RNF212B: variants seen among roughly 807,000 people sequenced by gnomAD.
The protein encoded by RNF212B is E3 ubiquitin-protein ligase RNF212B.
In RNF212B, 52 loss-of-function variants were observed where a neutral mutation model predicts 55.5. The ratio of observed to expected loss-of-function variants is 0.94; its 90% confidence interval spans 0.75 to 1.18. The LOEUF is 1.18. RNF212B is among the 50% of genes most tolerant of loss of function. RNF212B has a pLI of 0.00. For missense variants in RNF212B, 289 were observed against 350.4 expected, an observed-to-expected ratio of 0.82 and a Z score of 1.40; for synonymous variants, 99 against 121.4, an observed-to-expected ratio of 0.82 and a Z score of 1.21.
chr14:23,242,109 A>G (rs1022350250), intron 2 of RNF212B, among the ~76,000 whole-genome samples: 28 of 49,644 alleles, frequency 5.6e-4, no homozygotes, highest in African/African-American at 1.9e-3. Flanking sequence ...AAAAAAAAAG[A>G]AAAGAAAAAG....
rs1368707834 is a variant in RNF212B at position 23,243,232 on chromosome 14, TA to T, written c.101-23del. ...TTACCTCATGCTCATGAGAGCCAAA[TA>T]TTTTTTTCCCTTTTCCTCCCAGAAA... On this transcript the variant is annotated intron_variant, in intron 2 of 14. Transcript: ENST00000430154. 1.9e-6 allele frequency: 3 copies of T among 1,545,548 alleles called. No homozygotes were observed. The South Asian group carries it at 3.6e-5, about 18-fold the overall frequency.
intron 2 of RNF212B, among the ~76,000 whole-genome samples, chr14:23,214,156 A>T (rs932878003): frequency 1.3e-5 from 2 of 152,142 alleles, no homozygotes. Flanking sequence ...CACTTATAAA[A>T]TTTTTTTAAA....
intron 2 of RNF212B, among the ~76,000 whole-genome samples, chr14:23,240,753 A>G (rs1883510913): frequency 6.6e-6 from 1 of 152,238 alleles, no homozygotes; most frequent in African/African-American, 2.4e-5. Context: ...TAGAATAAGT[A>G]TAATGGATGG....
intron 1 of RNF212B, among the ~76,000 whole-genome samples, chr14:23,190,638 C>G (rs939824710): frequency 2.0e-5 from 3 of 152,206 alleles, no homozygotes; most frequent in Non-Finnish European, 4.4e-5. Context: ...TACACTGTTT[C>G]AATAGCCTTC....
intron 2 of RNF212B, among the ~76,000 whole-genome samples, chr14:23,219,921 C>T (rs1053773551): frequency 1.3e-5 from 2 of 152,092 alleles, no homozygotes; most frequent in South Asian, 2.1e-4. Flanking sequence ...CGGTGGCTCA[C>T]ACCTGTAATC....
At chr14:23,207,548 T>C (rs1879968352) in intron 2 of RNF212B, among the ~76,000 whole-genome samples, 1 of 152,172 alleles carries the variant, frequency 6.6e-6, no homozygotes, top group Non-Finnish European at 1.5e-5. Context: ...GTAGAGGGTA[T>C]TTTCAGACCT....
chr14:23,240,282 T>C, intron 1 of RNF212B, 63 bp from the exon 2 acceptor site: 4 of 1,125,360 alleles, frequency 3.6e-6, no homozygotes, highest in Non-Finnish European at 5.2e-6. Flanking sequence ...ACATAGATTT[T>C]GGAACAGCTA....
chr14:23,267,511 CT>C (rs1439552850), intron 11 of RNF212B, among the ~76,000 whole-genome samples: 1 of 152,028 alleles, frequency 6.6e-6, no homozygotes, highest in African/African-American at 2.4e-5. Context: ...TCACTGCAAC[CT>C]CCTCCTCCTG....
chr14:23,212,181 A>G (rs1264136470), intron 2 of RNF212B, among the ~76,000 whole-genome samples: 1 of 152,248 alleles, frequency 6.6e-6, no homozygotes, highest in Non-Finnish European at 1.5e-5. Flanking sequence ...CTTATACATA[A>G]TGGTGAAATA....
chr14:23,220,233 CA>C (rs1881444636), intron 2 of RNF212B, among the ~76,000 whole-genome samples: 1 of 144,022 alleles, frequency 6.9e-6, no homozygotes, highest in Non-Finnish European at 1.5e-5. Flanking sequence ...AAAACAAAAA[CA>C]AAAACCATAC....
In RNF212B at chr14:23,264,197, T is replaced by C; in HGVS notation, c.548T>C (p.Ile183Thr). The C allele has an allele frequency of 6.5e-7, 1 of 1,550,290 alleles. No individual in the cohort carries two copies. Among genetic ancestry groups the C allele is most frequent in the South Asian group, 1.2e-5 (1 of 84,054 alleles). The change falls in exon 10 of 15, where the codon ATT (isoleucine) becomes ACT (threonine). Residue 183 changes from isoleucine (I) to threonine (T), a missense_variant. Physicochemically the swap from Ile to Thr is moderately conservative, Grantham distance 89. Transcript: ENST00000430154. ...VVSRSSSAESIPYREAGFGSL... is the reference protein window; with the variant it reads ...VVSRSSSAESTPYREAGFGSL... ...AGTCGGTCCTCCTCAGCGGAATCTA[T>C]TCCTTATAGAGAGGCTGGCTTTGGT...
intron 2 of RNF212B, among the ~76,000 whole-genome samples, chr14:23,219,908 G>A (rs1881409518): frequency 6.6e-6 from 1 of 152,114 alleles, no homozygotes; most frequent in African/African-American, 2.4e-5. Flanking sequence ...AAGGGCCTGG[G>A]CACGGTGGCT....
Position 23,262,931 on chromosome 14 carries a change from C to T in RNF212B, c.485C>T (p.Thr162Ile). ...TCTGTACTTTATTCTCTTTCAGTTA[C>T]CCCACGACCCAGTTTCCAGCATAGC... ...VGITSPSQSV[T>I]PRPSFQHSSQ... Residue 162 changes from threonine (T) to isoleucine (I), a missense_variant, in exon 9 of 15, where the codon ACC (threonine) becomes ATC (isoleucine). Coordinates refer to ENST00000430154, the MANE Select transcript of RNF212B (RefSeq NM_001282322.3). 3 of 1,550,424 alleles carry T rather than the reference C, an allele frequency of 1.9e-6. No homozygotes were observed. The highest frequency in any genetic ancestry group is 1.2e-5 in the South Asian group (1 of 84,052).
chr14:23,235,073 G>T (rs372035339), upstream of RNF212B, among the ~76,000 whole-genome samples: 5 of 152,054 alleles, frequency 3.3e-5, no homozygotes, highest in Non-Finnish European at 7.4e-5. Flanking sequence ...TTAACCAGGC[G>T]TGGTGGCAAA....
intron 7 of RNF212B, 102 bp from the exon 8 acceptor site, chr14:23,262,563 G>A (rs1214938533): frequency 1.0e-6 from 1 of 997,100 alleles, no homozygotes; most frequent in African/African-American, 1.6e-5. Flanking sequence ...TCCTCAGAGA[G>A]GAAGCTATTA....
At chr14:23,230,451 G>A (rs182458551) in intron 2 of RNF212B, among the ~76,000 whole-genome samples, 6,086 of 151,958 alleles carry the variant, frequency 0.04, 148 homozygotes, top group South Asian at 0.071. Flanking sequence ...TCAAGAGATC[G>A]AGACCATCCT....
chr14:23,210,639 T>A (rs548417550), intron 2 of RNF212B, among the ~76,000 whole-genome samples: 50 of 149,970 alleles, frequency 3.3e-4, no homozygotes, highest in African/African-American at 1.2e-3. Flanking sequence ...TAGCTGGGTG[T>A]GGTGGTGTGA....
At chr14:23,193,793 G>A (rs959426515) in intron 2 of RNF212B, among the ~76,000 whole-genome samples, 13 of 151,694 alleles carry the variant, frequency 8.6e-5, no homozygotes, top group Admixed American at 7.2e-4. Context: ...AAGAGTGGGG[G>A]TAGTTATTAG....
At chr14:23,190,988 C>T (rs908945416) in intron 1 of RNF212B, among the ~76,000 whole-genome samples, 1 of 152,206 alleles carries the variant, frequency 6.6e-6, no homozygotes, top group Non-Finnish European at 1.5e-5. Context: ...GGTGTCCTCC[C>T]TTTCTCACAT....
Sources: gnomAD v4.1 joint callset for allele counts (sites outside exome capture counted in the v4.1 genomes callset) on GRCh38, gnomAD v4.1.1 for gene constraint, MANE v1.5 for transcripts, NCBI Gene and HGNC (gene_info 2026-07-23, HGNC 2026-07-21) for gene names.